KATNAL2: variants seen among roughly 807,000 people sequenced by gnomAD.
KATNAL2 encodes katanin catalytic subunit A1 like 2.
In KATNAL2, 52 loss-of-function variants were observed where a neutral mutation model predicts 76.3. The observed-to-expected ratio is 0.68, with a 90% confidence interval of 0.55 to 0.86. The LOEUF (loss-of-function observed/expected upper bound fraction) is 0.86, where lower values mean the gene tolerates loss of function less well. KATNAL2 is among the 40% of genes least tolerant of loss of function. KATNAL2 has a pLI of 0.00. For synonymous variants in KATNAL2, 243 were observed against 244.2 expected (o/e 1.00, Z 0.05); for missense variants, 660 against 668.9 (o/e 0.99, Z 0.15).
chr18:47,042,768 T>A (rs1484216712), intron 3 of KATNAL2, among the ~76,000 whole-genome samples: 10 of 151,952 alleles, frequency 6.6e-5, no homozygotes, highest in African/African-American at 2.2e-4. Context: ...TAGGTATTCA[T>A]AAAAATAAAC....
chr18:47,053,644 A>G (rs1301740500), intron 5 of KATNAL2, among the ~76,000 whole-genome samples: 1 of 152,236 alleles, frequency 6.6e-6, no homozygotes, highest in Admixed American at 6.5e-5. Context: ...TTATAAACCA[A>G]GGGAGATCAT....
intron 1 of KATNAL2, among the ~76,000 whole-genome samples, chr18:46,931,142 A>AATAATAAAAAG (rs2058905902): frequency 1.3e-5 from 1 of 76,510 alleles, no homozygotes. Context: ...ATAATAATAA[A>AATAATAAAAAG]TAAATAAATT....
At chr18:46,940,417 T>C (rs899007420) in intron 1 of KATNAL2, among the ~76,000 whole-genome samples, 5 of 152,248 alleles carry the variant, frequency 3.3e-5, no homozygotes, top group African/African-American at 1.2e-4. Context: ...ACAGAATGTC[T>C]GTGTGATTAA....
intron 9 of KATNAL2, 27 bp from the exon 10 acceptor site, chr18:47,063,257 T>C (rs749398906): frequency 2.1e-5 from 34 of 1,607,672 alleles, no homozygotes; most frequent in Non-Finnish European, 2.9e-5. Context: ...AATATTGTAA[T>C]GTGAGCCTTT....
intron 3 of KATNAL2, among the ~76,000 whole-genome samples, chr18:47,040,605 T>C (rs72921332): frequency 0.01 from 1,573 of 152,312 alleles, 14 homozygotes; most frequent in Non-Finnish European, 0.017. Flanking sequence ...AAATAAGTTA[T>C]CAGCTTACAT....
rs778986944 is a variant in KATNAL2, at chr18:47,069,272, ACGGC to A, written c.880_883del (p.Gly294LeufsTer64). On this transcript the variant is annotated frameshift_variant, in exon 12 of 18. Coordinates refer to ENST00000683218, the MANE Select transcript of KATNAL2 (RefSeq NM_001387690.1). LOFTEE classifies it high-confidence loss of function. ...TCTCCCTGGAAAGGACTACTGCTGT[ACGGC>A]CCTCCAGGTAAACACAGCTTCCTAT... is the stretch of plus-strand genomic sequence containing the variant. The A allele has an allele frequency of 6.2e-6, 10 of 1,609,938 alleles. No homozygotes were observed. The Admixed American group carries it at 8.5e-5, about 14-fold the overall frequency.
intron 3 of KATNAL2, among the ~76,000 whole-genome samples, chr18:46,952,703 T>C (rs1196661122): frequency 6.6e-6 from 1 of 150,746 alleles, no homozygotes; most frequent in Non-Finnish European, 1.5e-5. Context: ...CTGGCCCAGG[T>C]ATGTTTTTTA....
intron 6 of KATNAL2, among the ~76,000 whole-genome samples, chr18:47,055,067 G>T (rs1034582516): frequency 6.6e-6 from 1 of 152,136 alleles, no homozygotes; most frequent in Non-Finnish European, 1.5e-5. Context: ...TCTGTCTCTG[G>T]ACCTTTTTGG....
intron 3 of KATNAL2, among the ~76,000 whole-genome samples, chr18:47,038,471 T>G (rs573127965): frequency 6.6e-6 from 1 of 152,354 alleles, no homozygotes; most frequent in South Asian, 2.1e-4. Flanking sequence ...TGTATGTGCA[T>G]GTATGTGCAC....
At chr18:47,084,329 T>A in intron 15 of KATNAL2, 1 of 702,938 alleles carries the variant, frequency 1.4e-6, no homozygotes, top group Non-Finnish European at 2.6e-6. Flanking sequence ...GTTCTTTCCA[T>A]AGTAACCACA....
At chr18:47,095,214 G>A (rs1369106797) in intron 15 of KATNAL2, among the ~76,000 whole-genome samples, 1 of 152,144 alleles carries the variant, frequency 6.6e-6, no homozygotes, top group African/African-American at 2.4e-5. Context: ...GGAAGCAGAG[G>A]TGATTGTGTT....
At chr18:46,930,932 C>A (rs1290639461) in intron 1 of KATNAL2, among the ~76,000 whole-genome samples, 1 of 151,556 alleles carries the variant, frequency 6.6e-6, no homozygotes, top group African/African-American at 2.4e-5. Flanking sequence ...GAAACCTGGT[C>A]TCTCCTAAAA....
intron 4 of KATNAL2, among the ~76,000 whole-genome samples, chr18:47,046,939 T>C (rs1004623619): frequency 2.0e-5 from 3 of 152,080 alleles, no homozygotes; most frequent in African/African-American, 7.2e-5. Context: ...AACCCAGACA[T>C]ACACTTTTTT....
chr18:47,058,037 C>T (rs528823974), intron 6 of KATNAL2, among the ~76,000 whole-genome samples, 198 bp from the exon 7 acceptor site: 34 of 152,244 alleles, frequency 2.2e-4, no homozygotes, highest in Middle Eastern at 3.4e-3. Context: ...CTTAGAAGAA[C>T]CCAGTGAGTA....
At chr18:47,093,401 C>CTTTTTTTTTTTTTTTTTT (rs557793941) in intron 15 of KATNAL2, among the ~76,000 whole-genome samples, 1 of 127,732 alleles carries the variant, frequency 7.8e-6, no homozygotes. Flanking sequence ...TTTCTCTGTC[C>CTTTTTTTTTTTTTTTTTT]TTTTTTTTTT....
chr18:47,061,015 A>G (rs1028739330), intron 8 of KATNAL2, among the ~76,000 whole-genome samples: 2 of 152,224 alleles, frequency 1.3e-5, no homozygotes, highest in African/African-American at 4.8e-5. Flanking sequence ...CCTTTGAAAT[A>G]GTCTGACTAT....
At chr18:47,087,719 A>C (rs12960378) in intron 15 of KATNAL2, among the ~76,000 whole-genome samples, 50,979 of 151,670 alleles carry the variant, frequency 0.34, 10,547 homozygotes, top group Middle Eastern at 0.46. Flanking sequence ...ATACCATGGA[A>C]AATGATGTAA....
intron 1 of KATNAL2, among the ~76,000 whole-genome samples, chr18:46,926,063 G>GT (rs1368737319): frequency 6.6e-6 from 1 of 151,994 alleles, no homozygotes; most frequent in African/African-American, 2.4e-5. Flanking sequence ...TTTTTGAAGG[G>GT]TTTTTTGTGT....
intron 1 of KATNAL2, among the ~76,000 whole-genome samples, chr18:46,930,625 G>A (rs2058877716): frequency 6.6e-6 from 1 of 151,976 alleles, no homozygotes; most frequent in African/African-American, 2.4e-5. Flanking sequence ...AGACCAGCCT[G>A]GCCAACATGG....
Sources: allele counts gnomAD v4.1 joint callset (sites outside exome capture counted in the v4.1 genomes callset), GRCh38; gene constraint gnomAD v4.1.1; transcripts MANE v1.5; gene names NCBI Gene and HGNC (gene_info 2026-07-23, HGNC 2026-07-21).